The following ROBO2 variants were observed in gnomAD, a reference collection of about 807,000 sequenced individuals.
ROBO2 encodes roundabout guidance receptor 2.
Under a neutral mutation model 160.8 loss-of-function variants are expected in ROBO2, and 53 were observed. That is an observed-to-expected ratio of 0.33 (90% CI 0.26 to 0.41). ROBO2 has a LOEUF of 0.41. Ranked by LOEUF, ROBO2 falls within the 10% of genes least tolerant of loss-of-function variation. The pLI, the probability that ROBO2 is intolerant of heterozygous loss-of-function variation, is 1.00. For synonymous variants in ROBO2, 664 were observed against 611.7 expected, an observed-to-expected ratio of 1.09 and a Z score of -1.26; for missense variants, 1,577 against 1,722.4, an observed-to-expected ratio of 0.92 and a Z score of 1.49.
intron 24 of ROBO2, among the ~76,000 whole-genome samples, chr3:77,639,486 T>C (rs1333323002): frequency 6.6e-6 from 1 of 151,974 alleles, no homozygotes; most frequent in East Asian, 1.9e-4. Context: ...CACCAGGAAG[T>C]CAGCATTTCA....
chr3:76,965,927 T>C (rs1335809627), intron 2 of ROBO2, among the ~76,000 whole-genome samples: 2 of 145,186 alleles, frequency 1.4e-5, no homozygotes, highest in South Asian at 2.2e-4. Flanking sequence ...TTTTCTTTTT[T>C]TTTTTTTTTT....
chr3:77,360,254 C>CCA lies in ROBO2; in HGVS notation c.389-117159_389-117158insAC. 2.0e-5 allele frequency among the ~76,000 whole-genome samples: 3 copies of CCA among 147,066 alleles called. No individual in the cohort carries two copies. The East Asian group carries it at 6.1e-4, about 30-fold the overall frequency. On this transcript the variant is annotated intron_variant, in intron 2 of 25. Transcript: ENST00000461745. ...TGCAACAGTTAGAATGTAATGCAAC[C>CCA]CCCCCCCCAAATTTAGAAGCCCAGG...
At chr3:76,332,125 T>C (rs2073537490) in intron 2 of ROBO2, among the ~76,000 whole-genome samples, 1 of 152,216 alleles carries the variant, frequency 6.6e-6, no homozygotes, top group Non-Finnish European at 1.5e-5. Context: ...TACATTTCCA[T>C]TGTGAATGGC....
At chr3:76,538,318 G>A (rs866709629) in intron 2 of ROBO2, among the ~76,000 whole-genome samples, 13 of 152,208 alleles carry the variant, frequency 8.5e-5, no homozygotes, top group Middle Eastern at 3.4e-3. Flanking sequence ...TCTTTTCTAC[G>A]TAGGCAATTC....
chr3:76,156,621 T>C (rs1351427532), intron 2 of ROBO2, among the ~76,000 whole-genome samples: 4 of 152,194 alleles, frequency 2.6e-5, no homozygotes, highest in Non-Finnish European at 5.9e-5. Context: ...GACCTTGAGC[T>C]CAATAACAGC....
intron 2 of ROBO2, among the ~76,000 whole-genome samples, chr3:76,306,778 A>C (rs2071355333): frequency 6.6e-6 from 1 of 152,202 alleles, no homozygotes; most frequent in Non-Finnish European, 1.5e-5. Context: ...ATGTTTGTTC[A>C]ATGAAGGAAT....
At chr3:76,079,268 G>A (rs11923013) in intron 2 of ROBO2, among the ~76,000 whole-genome samples, 77,741 of 151,852 alleles carry the variant, frequency 0.51, 20,813 homozygotes, top group African/African-American at 0.67. Flanking sequence ...ATCATTTATT[G>A]CGTATTTCAA....
intron 2 of ROBO2, among the ~76,000 whole-genome samples, chr3:76,070,905 A>T (rs2068433629): frequency 6.6e-6 from 1 of 152,200 alleles, no homozygotes; most frequent in Non-Finnish European, 1.5e-5. Context: ...TGAGAGTCTT[A>T]ATGTCACGAA....
intron 2 of ROBO2, among the ~76,000 whole-genome samples, chr3:77,009,333 C>G (rs1238484114): frequency 6.6e-6 from 1 of 152,064 alleles, no homozygotes; most frequent in East Asian, 1.9e-4. Context: ...TCACTGGTAA[C>G]CAGACTACTT....
intron 2 of ROBO2, among the ~76,000 whole-genome samples, chr3:77,244,877 C>CA (rs372239209): frequency 0.61 from 66,454 of 109,058 alleles, 17,999 homozygotes; most frequent in Middle Eastern, 0.67. Context: ...AACTTAGTCT[C>CA]AAAAAAAAAA....
At chr3:77,530,906 G>T (rs2091669361) in intron 6 of ROBO2, among the ~76,000 whole-genome samples, 2 of 152,046 alleles carry the variant, frequency 1.3e-5, no homozygotes. Context: ...AAAATATCTT[G>T]CTTCCTATAC....
chr3:77,396,565 C>A (rs1048046882), intron 2 of ROBO2, among the ~76,000 whole-genome samples: 7 of 152,070 alleles, frequency 4.6e-5, no homozygotes, highest in African/African-American at 1.7e-4. Context: ...TAAACACTTG[C>A]AATTTTTTGA....
intron 2 of ROBO2, among the ~76,000 whole-genome samples, chr3:76,264,408 G>A (rs776990480): frequency 4.0e-5 from 6 of 149,740 alleles, no homozygotes; most frequent in African/African-American, 7.4e-5. Flanking sequence ...ACCTTTCCTC[G>A]TTATTATAGC....
At chr3:76,175,867 G>A (rs1029121896) in intron 2 of ROBO2, among the ~76,000 whole-genome samples, 1 of 152,076 alleles carries the variant, frequency 6.6e-6, no homozygotes, top group Admixed American at 6.6e-5. Context: ...TGCTTTCTGG[G>A]CAAGAGAAGT....
At chr3:76,244,214 G>T (rs576479346) in intron 2 of ROBO2, among the ~76,000 whole-genome samples, 3 of 152,312 alleles carry the variant, frequency 2.0e-5, no homozygotes, top group Admixed American at 6.5e-5. Context: ...GAACTTGAGA[G>T]ACTGCTCAGA....
intron 2 of ROBO2, among the ~76,000 whole-genome samples, chr3:76,826,519 G>C (rs900945401): frequency 5.9e-5 from 9 of 152,010 alleles, no homozygotes; most frequent in African/African-American, 1.9e-4. Context: ...TAGCTGAAGG[G>C]TCATCAGGTA....
intron 1 of ROBO2, among the ~76,000 whole-genome samples, chr3:75,932,986 A>G (rs1473196570): frequency 1.3e-5 from 2 of 152,184 alleles, no homozygotes; most frequent in East Asian, 1.9e-4. Context: ...TTTGAATTAC[A>G]CAAGACTTTG....
At chr3:77,469,084 T>C (rs1367802801) in intron 2 of ROBO2, among the ~76,000 whole-genome samples, 1 of 152,226 alleles carries the variant, frequency 6.6e-6, no homozygotes, top group African/African-American at 2.4e-5. Context: ...TTCTTGTGAA[T>C]GACAATCTTT....
intron 2 of ROBO2, among the ~76,000 whole-genome samples, chr3:76,115,103 A>G (rs114766115): frequency 0.011 from 1,642 of 152,262 alleles, 28 homozygotes; most frequent in African/African-American, 0.034. Flanking sequence ...TTAGAACTCA[A>G]CTTCGCATAA....
Sources: allele counts gnomAD v4.1 joint callset (sites outside exome capture counted in the v4.1 genomes callset), GRCh38; gene constraint gnomAD v4.1.1; transcripts MANE v1.5; gene names NCBI Gene and HGNC (gene_info 2026-07-23, HGNC 2026-07-21).